NCAPD3: variants seen among roughly 807,000 people sequenced by gnomAD.
The protein encoded by NCAPD3 is non-SMC condensin II complex subunit D3, also known as condensin-2 complex subunit D3.
NCAPD3 carries 105 observed loss-of-function variants against 182.9 expected under a neutral mutation model. The observed-to-expected ratio is 0.57, with a 90% CI of 0.49 to 0.68. The LOEUF (loss-of-function observed/expected upper bound fraction) is 0.68. Ranked by LOEUF, NCAPD3 falls within the 30% of genes least tolerant of loss-of-function variation. The probability of loss-of-function intolerance (pLI) is 0.00; values close to 1 mark genes in which losing one functional copy is unlikely to be tolerated. For missense variants in NCAPD3, 1,944 were observed against 1,837.0 expected (o/e 1.06, Z -1.07); for synonymous variants, 815 against 679.9 (o/e 1.20, Z -3.09).
Position 134,161,895 on chromosome 11 carries a change from G to C in NCAPD3, c.3574-4C>G, listed in dbSNP as rs565047074. On this transcript the variant is annotated splice_polypyrimidine_tract_variant and splice_region_variant and intron_variant, in intron 27 of 34. Transcript: ENST00000534548. ...CTATGAAATTCCTCTTCTGAACCTG[G>C]TAACACAAACAAAGACATGTTTTAG... 2.8e-6 allele frequency: 4 copies of C among 1,440,464 alleles called. No individual in the cohort carries two copies. In the South Asian group the frequency reaches 3.6e-5, roughly 13 times the overall value. 89.2% of individuals were successfully genotyped at this position (1,440,464 alleles called of 1,614,324 possible). A position where few individuals can be genotyped will look rare whatever the true frequency, so the allele number is the denominator to read the frequency against.
Position 134,159,643 on chromosome 11 carries a change from T to C in NCAPD3, c.3867+249A>G, listed in dbSNP as rs529973875. On this transcript the variant is annotated intron_variant, in intron 29 of 34. Transcript: ENST00000534548. ...CACACCCTGGCAGACCTAGGATCTA[T>C]AGTCACCAGCTACTGCTGCTGCCAG... Among the ~76,000 whole-genome samples, 10 of 152,306 alleles carry C rather than the reference T, an allele frequency of 6.6e-5. 1 individual carries two copies. In the South Asian group the frequency reaches 1.0e-3, roughly 16 times the overall value.
chr11:134,155,606 G>A (rs611384), intron 32 of NCAPD3, among the ~76,000 whole-genome samples: 26,842 of 152,116 alleles, frequency 0.18, 2,424 homozygotes, highest in East Asian at 0.27. Context: ...GGAGAAACAC[G>A]AGCTGCTAGG....
At chr11:134,205,063 T>C in intron 8 of NCAPD3, 92 bp from the exon 9 acceptor site, 1 of 904,698 alleles carries the variant, frequency 1.1e-6, no homozygotes, top group Non-Finnish European at 1.8e-6. Context: ...TCCTAGTTAT[T>C]AAAACACTCT....
At chr11:134,194,572 G>C (rs768639562) in intron 14 of NCAPD3, 93 bp downstream of exon 14, 8 of 811,166 alleles carry the variant, frequency 9.9e-6, no homozygotes, top group African/African-American at 1.8e-5. Context: ...AGCAAATTAA[G>C]TAATGAATAT....
chr11:134,225,102 C>G (rs915099694), upstream of NCAPD3: 5 of 1,582,250 alleles, frequency 3.2e-6, no homozygotes, highest in Non-Finnish European at 4.3e-6. Flanking sequence ...CTTACCGAGA[C>G]CCGCCCGGCC....
upstream of NCAPD3, chr11:134,224,133 C>T (rs1428826137): frequency 1.6e-6 from 1 of 623,142 alleles, no homozygotes; most frequent in South Asian, 1.9e-5. Flanking sequence ...AAGTGGAAGC[C>T]AAACAAGGCT....
In NCAPD3 at chr11:134,164,814, CATGAA is replaced by C. The variant is rs1257304099; in HGVS notation, c.3574-2928_3574-2924del. On this transcript the variant is annotated intron_variant, in intron 27 of 34. Coordinates refer to ENST00000534548, the MANE Select transcript of NCAPD3 (RefSeq NM_015261.3). Reference sequence around the variant, plus strand: ...AATGAACTTAGGGGAACTTCACACTCATGAAATGACCTTAGGGGAGCTGAACACTC... The same window carrying C: ...AATGAACTTAGGGGAACTTCACACTCATGACCTTAGGGGAGCTGAACACTC... Among the ~76,000 whole-genome samples the C allele has an allele frequency of 2.1e-5, 3 of 144,260 alleles. No individual in the cohort carries two copies. The East Asian group carries it at 6.4e-4, about 31-fold the overall frequency. The allele number at this position is 144,260 out of a possible 152,430, so 94.6% of individuals were successfully genotyped here.
chr11:134,184,923 C>A lies in NCAPD3; in HGVS notation c.2315G>T (p.Ser772Ile). 1.2e-6 allele frequency: 2 copies of A among 1,613,282 alleles called. No homozygotes were observed. The highest frequency in any genetic ancestry group is 1.7e-6 in the Non-Finnish European group (2 of 1,179,280). ...CTCACCAGTCACTTTGTCCCGGGTG[C>A]TCTTAGGAAGATGCTTTGCAATATG... ...IGHIAKHLPK[S>I]TRDKVTDAVK... Residue 772 changes from serine to isoleucine, a missense_variant, in exon 18 of 35, where the codon AGC becomes ATC. Coordinates refer to ENST00000534548, the MANE Select transcript of NCAPD3 (RefSeq NM_015261.3).
At chr11:134,181,241 T>G (rs1185516439) in intron 19 of NCAPD3, 57 bp from the exon 20 acceptor site, 3 of 1,094,834 alleles carry the variant, frequency 2.7e-6, no homozygotes, top group African/African-American at 3.1e-5. Context: ...AGACTACCCA[T>G]GAAACACCAT....
At chr11:134,215,502 A>T (rs565729432) in intron 3 of NCAPD3, among the ~76,000 whole-genome samples, 34 of 152,372 alleles carry the variant, frequency 2.2e-4, no homozygotes, top group Non-Finnish European at 4.3e-4. Context: ...GCTTCTATAC[A>T]GTACTAATAA....
chr11:134,205,027 A>G, intron 8 of NCAPD3, 56 bp from the exon 9 acceptor site: 3 of 1,302,068 alleles, frequency 2.3e-6, no homozygotes, highest in East Asian at 2.3e-5. Context: ...ACTGTCCCCA[A>G]AAACCACTAC....
At chr11:134,174,929 A>T (rs1944123099) in intron 24 of NCAPD3, among the ~76,000 whole-genome samples, 1 of 152,218 alleles carries the variant, frequency 6.6e-6, no homozygotes, top group Non-Finnish European at 1.5e-5. Context: ...CAGTTAGCAA[A>T]TGTAGTCATC....
intron 24 of NCAPD3, among the ~76,000 whole-genome samples, chr11:134,174,150 G>A (rs1390018419): frequency 1.3e-5 from 2 of 151,910 alleles, no homozygotes; most frequent in Non-Finnish European, 2.9e-5. Context: ...CCACACTTTG[G>A]AAGGCCGAGG....
chr11:134,153,891 G>A (rs369385058), intron 32 of NCAPD3: 15 of 167,386 alleles, frequency 9.0e-5, no homozygotes, highest in East Asian at 1.7e-4. Context: ...CTGTCCCGTC[G>A]TGCCACACTG....
At chr11:134,184,874 T>C in intron 18 of NCAPD3, 29 bp downstream of exon 18, 1 of 1,554,996 alleles carries the variant, frequency 6.4e-7, no homozygotes. Flanking sequence ...CAATGCATTT[T>C]CACATAAGAT....
At chr11:134,185,202 TTGTTTTTA>T in intron 17 of NCAPD3, 125 bp downstream of exon 17, 1 of 940,782 alleles carries the variant, frequency 1.1e-6, no homozygotes, top group Non-Finnish European at 1.6e-6. Flanking sequence ...TTTTTCATGC[TTGTTTTTA>T]TACCAGGTTT....
chr11:134,185,490 C>T lies in NCAPD3; in HGVS notation c.2082G>A (p.Lys694=). The change falls in exon 17 of 35, where the codon AAG becomes AAA. Residue 694 remains lysine (K), a synonymous_variant. Coordinates refer to ENST00000534548, the MANE Select transcript of NCAPD3 (RefSeq NM_015261.3). ...YLNKAFHIWS[K]KEKFSPTFIN... is the part of the protein sequence containing the mutation. ...TAAAAGTGGGTGAGAATTTTTCTTTCTTGGACCAGATATGAAAAGCCTTAT... is the reference window on the plus strand; with the variant it reads ...TAAAAGTGGGTGAGAATTTTTCTTTTTTGGACCAGATATGAAAAGCCTTAT... 1 of 1,610,074 alleles carries T rather than the reference C, an allele frequency of 6.2e-7. No individual in the cohort carries two copies. The highest frequency in any genetic ancestry group is 8.5e-7 in the Non-Finnish European group (1 of 1,178,522).
intron 27 of NCAPD3, among the ~76,000 whole-genome samples, chr11:134,167,301 G>A (rs1469628367): frequency 7.7e-6 from 1 of 130,426 alleles, no homozygotes; most frequent in East Asian, 2.6e-4. Context: ...GCTTGGGGGA[G>A]CAGCACACTC....
At chr11:134,163,941 G>A (rs902223512) in intron 27 of NCAPD3, among the ~76,000 whole-genome samples, 1 of 151,682 alleles carries the variant, frequency 6.6e-6, no homozygotes, top group Admixed American at 6.6e-5. Flanking sequence ...CATGGCCTGT[G>A]ACAGAAAGAA....
Sources: allele counts gnomAD v4.1 joint callset (sites outside exome capture counted in the v4.1 genomes callset), GRCh38; gene constraint gnomAD v4.1.1; transcripts MANE v1.5; gene names NCBI Gene and HGNC (gene_info 2026-07-23, HGNC 2026-07-21).